Variants in MGLL observed in about 807,000 individuals in gnomAD.
MGLL encodes the protein monoglyceride lipase.
In MGLL, 7 loss-of-function variants were observed where a neutral mutation model predicts 29.1. The observed-to-expected ratio is 0.24, with a 90% confidence interval of 0.14 to 0.45. MGLL has a LOEUF of 0.45. Among genes scored for constraint, MGLL ranks in the 20% least tolerant of loss-of-function variants. The pLI, the probability that MGLL is intolerant of heterozygous loss-of-function variation, is 0.99. For synonymous variants in MGLL, 148 were observed against 168.3 expected, an observed-to-expected ratio of 0.88 and a Z score of 0.93; for missense variants, 356 against 413.6, an observed-to-expected ratio of 0.86 and a Z score of 1.21.
intron 2 of MGLL, among the ~76,000 whole-genome samples, chr3:127,786,776 G>A (rs543546173): frequency 8.5e-5 from 13 of 152,178 alleles, no homozygotes; most frequent in African/African-American, 2.9e-4. Context: ...GCAATGTCGC[G>A]AGGTAAATAA....
chr3:127,811,274 T>C (rs1326503764), intron 2 of MGLL, among the ~76,000 whole-genome samples: 2 of 136,010 alleles, frequency 1.5e-5, no homozygotes, highest in Non-Finnish European at 1.5e-5. Context: ...TATGAAACTC[T>C]ACAAGAGGCA....
intron 6 of MGLL, 151 bp from the exon 7 acceptor site, chr3:127,695,341 C>T (rs778189532): frequency 4.7e-5 from 35 of 743,046 alleles, no homozygotes; most frequent in South Asian, 3.5e-5. Flanking sequence ...GAAGGCCAGC[C>T]GTGTTCATCC....
intron 3 of MGLL, among the ~76,000 whole-genome samples, chr3:127,740,132 T>C (rs1238334498): frequency 6.6e-6 from 1 of 152,226 alleles, no homozygotes; most frequent in Non-Finnish European, 1.5e-5. Context: ...AATCCAGTTT[T>C]AAGGTCAAGT....
At chr3:127,787,097 C>T (rs1344675632) in intron 2 of MGLL, among the ~76,000 whole-genome samples, 2 of 152,228 alleles carry the variant, frequency 1.3e-5, no homozygotes, top group East Asian at 1.9e-4. Context: ...GCCTTCATGA[C>T]CATCCTCTCT....
chr3:127,767,611 A>C (rs2076880969), intron 3 of MGLL, among the ~76,000 whole-genome samples: 1 of 152,260 alleles, frequency 6.6e-6, no homozygotes, highest in Non-Finnish European at 1.5e-5. Flanking sequence ...ATTAGAGACT[A>C]TCAGAGCCCT....
intron 3 of MGLL, among the ~76,000 whole-genome samples, chr3:127,770,894 A>T (rs1404840530): frequency 1.3e-5 from 2 of 152,002 alleles, no homozygotes; most frequent in Non-Finnish European, 2.9e-5. Flanking sequence ...CAAGGTTATA[A>T]GGCTGGGTAC....
intron 3 of MGLL, among the ~76,000 whole-genome samples, chr3:127,742,234 T>C (rs557798067): frequency 3.9e-5 from 6 of 152,332 alleles, no homozygotes; most frequent in African/African-American, 1.4e-4. Flanking sequence ...AATGTCCTTA[T>C]TATATAATAG....
chr3:127,799,036 T>A (rs2077432525), intron 2 of MGLL, among the ~76,000 whole-genome samples: 1 of 152,198 alleles, frequency 6.6e-6, no homozygotes, highest in African/African-American at 2.4e-5. Context: ...AAGGCCTAGA[T>A]AGGGCCCTGC....
At chr3:127,694,914 G>T in intron 7 of MGLL, 61 bp downstream of exon 7, 1 of 1,547,128 alleles carries the variant, frequency 6.5e-7, no homozygotes, top group Non-Finnish European at 8.9e-7. Flanking sequence ...TGCCCCAAGG[G>T]GTGCTGCCTT....
At chr3:127,706,722 T>C (rs2075609894) in intron 6 of MGLL, among the ~76,000 whole-genome samples, 1 of 152,144 alleles carries the variant, frequency 6.6e-6, no homozygotes. Flanking sequence ...GGAATGTAAG[T>C]GATGAACGAT....
At chr3:127,701,387 A>G in intron 6 of MGLL, among the ~76,000 whole-genome samples, 1 of 152,070 alleles carries the variant, frequency 6.6e-6, no homozygotes, top group Non-Finnish European at 1.5e-5. Flanking sequence ...CCAAGCCTGT[A>G]GCACCCTGGC....
chr3:127,808,581 AC>A (rs35698147), intron 2 of MGLL, among the ~76,000 whole-genome samples: 2,727 of 152,314 alleles, frequency 0.018, 79 homozygotes, highest in African/African-American at 0.062. Flanking sequence ...TGGAGTCAAC[AC>A]CAACAGAAAC....
At chr3:127,734,669 A>G (rs1452290152) in intron 3 of MGLL, among the ~76,000 whole-genome samples, 1 of 152,218 alleles carries the variant, frequency 6.6e-6, no homozygotes, top group Non-Finnish European at 1.5e-5. Flanking sequence ...CTCTGTCCCA[A>G]CTTGACAGCC....
At chr3:127,759,037 C>T (rs2076714351) in intron 3 of MGLL, among the ~76,000 whole-genome samples, 1 of 151,126 alleles carries the variant, frequency 6.6e-6, no homozygotes, top group South Asian at 2.1e-4. Context: ...ATTCTCCTGC[C>T]TCAGCGTCCT....
intron 3 of MGLL, among the ~76,000 whole-genome samples, chr3:127,759,923 C>G (rs1464972442): frequency 2.0e-5 from 3 of 152,232 alleles, no homozygotes; most frequent in African/African-American, 7.2e-5. Flanking sequence ...ATTATGGGGT[C>G]TGAATGATCC....
intron 3 of MGLL, among the ~76,000 whole-genome samples, chr3:127,773,145 C>T (rs961934932): frequency 6.6e-6 from 1 of 152,230 alleles, no homozygotes; most frequent in Non-Finnish European, 1.5e-5. Context: ...GAGGAAGCCC[C>T]TTATAAACTG....
chr3:127,738,054 A>G (rs1401476588), intron 3 of MGLL, among the ~76,000 whole-genome samples: 3 of 152,090 alleles, frequency 2.0e-5, no homozygotes, highest in South Asian at 2.1e-4. Flanking sequence ...TAATCCCAGC[A>G]CTTTGGGAGG....
intron 3 of MGLL, among the ~76,000 whole-genome samples, chr3:127,749,292 CA>C (rs1553762849): frequency 3.3e-5 from 5 of 152,174 alleles, no homozygotes; most frequent in Non-Finnish European, 7.3e-5. Context: ...GGAACCTCCC[CA>C]TTACTCTGAA....
At chr3:127,760,932 A>G (rs571737077) in intron 3 of MGLL, among the ~76,000 whole-genome samples, 4 of 152,212 alleles carry the variant, frequency 2.6e-5, no homozygotes, top group African/African-American at 9.6e-5. Context: ...GGAAAAAATT[A>G]TTAGCACAGA....
Sources: gnomAD v4.1 joint callset for allele counts (sites outside exome capture counted in the v4.1 genomes callset) on GRCh38, gnomAD v4.1.1 for gene constraint, MANE v1.5 for transcripts, NCBI Gene and HGNC (gene_info 2026-07-23, HGNC 2026-07-21) for gene names.